KLHL12: variants seen among roughly 807,000 people sequenced by gnomAD.
The protein encoded by KLHL12 is kelch like family member 12.
In KLHL12, 17 loss-of-function variants were observed where a neutral mutation model predicts 60.8. The observed-to-expected ratio is 0.28, with a 90% CI of 0.19 to 0.42. The LOEUF (loss-of-function observed/expected upper bound fraction) is 0.42. Ranked by LOEUF, KLHL12 falls within the 10% of genes least tolerant of loss-of-function variation. The pLI, the probability that KLHL12 is intolerant of heterozygous loss-of-function variation, is 1.00. For synonymous variants in KLHL12, 220 were observed against 250.9 expected (o/e 0.88, Z 1.16); for missense variants, 468 against 722.3 (o/e 0.65, Z 4.04).
chr1:202,895,675 G>A lies in KLHL12; in HGVS notation c.982C>T (p.His328Tyr). Residue 328 changes from histidine to tyrosine, a missense_variant, in exon 8 of 12, where the codon CAT becomes TAT. Transcript: ENST00000367261. The surrounding 1 kb of genome is among the most constrained non-coding windows in gnomAD (Gnocchi z 4.2). ...KRRYVASVSL[H>Y]DRIYVIGGYD... The stretch of plus-strand genomic sequence containing the variant: ...CCACCAATGACGTAGATCCGGTCAT[G>A]AAGGGACACTGAGGCCACATAACGT... 1 of 1,614,194 alleles carries A rather than the reference G, an allele frequency of 6.2e-7. No individual in the cohort carries two copies. Among genetic ancestry groups the A allele is most frequent in the Non-Finnish European group, 8.5e-7 (1 of 1,180,022 alleles).
chr1:202,927,942 T>C (rs1408658924), upstream of KLHL12, among the ~76,000 whole-genome samples: 1 of 134,586 alleles, frequency 7.4e-6, no homozygotes, highest in African/African-American at 2.9e-5. Flanking sequence ...ATCGCGCCAT[T>C]GCACTCCGGG....
At chr1:202,896,770 T>G in intron 7 of KLHL12, 84 bp downstream of exon 7, 1 of 1,039,664 alleles carries the variant, frequency 9.6e-7, no homozygotes, top group East Asian at 2.4e-5. Flanking sequence ...TTTTCTACTC[T>G]TAAGGCTGGA....
At position 202,893,210 on chromosome 1, in the gene KLHL12, T is replaced by G. The variant is rs746373912; in HGVS notation, c.1580+29A>C. 3 of 1,548,098 alleles carry G rather than the reference T, an allele frequency of 1.9e-6. No homozygotes were observed. The highest frequency in any genetic ancestry group is 2.6e-6 in the Non-Finnish European group (3 of 1,142,060). On this transcript the variant is annotated intron_variant, in intron 11 of 11. Transcript: ENST00000367261. The surrounding 1 kb of genome is among the most constrained non-coding windows in gnomAD (Gnocchi z 4.1). ...ATAGACTCTTGCTCTGGCTACATAT[T>G]GAGTCTGGATTCGTTTCTAAATCCT...
In KLHL12 at chr1:202,918,155, C is replaced by T. The variant is rs1557998495; in HGVS notation, c.567+16G>A. On this transcript the variant is annotated intron_variant, in intron 4 of 11. Transcript: ENST00000367261. The stretch of plus-strand genomic sequence containing the variant: ...CCCAATCTTGAAGAAACCATAACAT[C>T]AAGACAAATCCGTACCTGAATTTCG... The T allele has an allele frequency of 2.5e-6, 4 of 1,591,710 alleles. No homozygotes were observed. The highest frequency in any genetic ancestry group is 3.4e-6 in the Non-Finnish European group (4 of 1,160,198).
At chr1:202,915,404 G>A (rs1163277876) in intron 4 of KLHL12, among the ~76,000 whole-genome samples, 1 of 151,890 alleles carries the variant, frequency 6.6e-6, no homozygotes, top group African/African-American at 2.4e-5. Flanking sequence ...GCTGGTATAG[G>A]GAACAGAAAA....
chr1:202,918,433 G>C (rs777612953), intron 3 of KLHL12, 45 bp from the exon 4 acceptor site: 2 of 1,419,714 alleles, frequency 1.4e-6, no homozygotes, highest in Middle Eastern at 1.8e-4. Context: ...AGTTGGACAG[G>C]TGTGATCTAG....
chr1:202,917,955 T>C (rs1660572458), intron 4 of KLHL12, among the ~76,000 whole-genome samples: 1 of 152,232 alleles, frequency 6.6e-6, no homozygotes, highest in African/African-American at 2.4e-5. Context: ...TGAATAGTGA[T>C]TCTTACCCAC....
Position 202,895,627 on chromosome 1 carries a change from T to A in KLHL12, c.1030A>T (p.Ser344Cys), listed in dbSNP as rs1479251915. ...GTGTAGTCTAGACATTCCACTGAAC[T>A]AAGGCGGGAACGGCCATCATAGCCA... ...IGGYDGRSRL[S>C]SVECLDYTAD... Residue 344 changes from serine (S) to cysteine (C), a missense_variant, in exon 8 of 12, where the codon AGT becomes TGT. Around this residue, in one of 4 missense-constraint regions of KLHL12, gnomAD observed 339 missense variants for 525.0 expected, o/e 0.65. Transcript: ENST00000367261. This position sits in a 1 kb window ranked among gnomAD's most constrained non-coding sequence, Gnocchi z 4.2. 1.2e-6 allele frequency: 2 copies of A among 1,613,924 alleles called. No homozygotes were observed. Among genetic ancestry groups the A allele is most frequent in the African/African-American group, 2.7e-5 (2 of 74,876 alleles).
At chr1:202,927,363 T>G, upstream of KLHL12, 1 of 749,658 alleles carries the variant, frequency 1.3e-6, no homozygotes, top group Non-Finnish European at 1.6e-6. Flanking sequence ...GGGGCTTCTG[T>G]ACGCTGCTAG....
At chr1:202,922,185 T>G (rs989361866) in intron 2 of KLHL12, among the ~76,000 whole-genome samples, 4 of 152,202 alleles carry the variant, frequency 2.6e-5, no homozygotes, top group African/African-American at 7.2e-5. Flanking sequence ...TGCTTTAGAA[T>G]TTTTCAGCAT....
In KLHL12 at chr1:202,893,343, T is replaced by G; in HGVS notation, c.1476A>C (p.Ala492=). ...TCCAGGAATCAGTGCGAATGTTGTA[T>G]GCTTCAACGGAAGAAAGGTGGGCTG... The part of the protein sequence containing the change: ...DGTAHLSSVE[A]YNIRTDSWTT... The change falls in exon 11 of 12, where the codon GCA becomes GCC. Residue 492 remains alanine, a synonymous_variant. Coordinates refer to ENST00000367261, the MANE Select transcript of KLHL12 (RefSeq NM_021633.4). This position sits in a 1 kb window ranked among gnomAD's most constrained non-coding sequence, Gnocchi z 4.1. 1.2e-6 allele frequency: 2 copies of G among 1,614,036 alleles called. No homozygotes were observed. Among genetic ancestry groups the G allele is most frequent in the Non-Finnish European group, 1.7e-6 (2 of 1,179,934 alleles).
chr1:202,914,542 T>C (rs947437869), intron 4 of KLHL12, among the ~76,000 whole-genome samples: 2 of 152,176 alleles, frequency 1.3e-5, no homozygotes, highest in African/African-American at 4.8e-5. Flanking sequence ...TTTTCAATCA[T>C]GAGCAGAGGT....
chr1:202,895,557 A>T lies in KLHL12; in HGVS notation c.1100T>A (p.Val367Asp). The change falls in exon 8 of 12, where the codon GTC becomes GAC. Residue 367 changes from valine to aspartate, a missense_variant. By Grantham distance (152) the Val-to-Asp change is radical (BLOSUM62 -3). Around this residue, in one of 4 missense-constraint regions of KLHL12, gnomAD observed 339 missense variants for 525.0 expected, o/e 0.65. Coordinates refer to ENST00000367261, the MANE Select transcript of KLHL12 (RefSeq NM_021633.4). This position sits in a 1 kb window ranked among gnomAD's most constrained non-coding sequence, Gnocchi z 4.2. Reference protein sequence around the residue: ...GVWYSVAPMNVRRGLAGATTL... With the variant: ...GVWYSVAPMNDRRGLAGATTL... ...GGTGGCTCCAGCAAGACCTCGTCGG[A>T]CATTCATAGGGGCCACAGAATACCA... 1.9e-6 allele frequency: 3 copies of T among 1,614,050 alleles called. No homozygotes were observed. Among genetic ancestry groups the T allele is most frequent in the Non-Finnish European group, 2.5e-6 (3 of 1,179,984 alleles).
rs1049743332 is a variant in KLHL12, at chr1:202,927,175, G to C, written c.-132C>G. The C allele has an allele frequency of 1.0e-6, 1 of 985,206 alleles. No homozygotes were observed. Among genetic ancestry groups the C allele is most frequent in the Non-Finnish European group, 1.2e-6 (1 of 829,924 alleles). 61.0% of individuals were successfully genotyped at this position (985,206 alleles called of 1,614,324 possible). ...GGCGCGGGGCTAGCAGGCGGCTCGG[G>C]AGGAGCCGAAGCGCCGCCCAGACCC... is the stretch of plus-strand genomic sequence containing the variant. On this transcript the variant is annotated 5_prime_UTR_variant, in exon 1 of 12. Transcript: ENST00000367261.
intron 4 of KLHL12, among the ~76,000 whole-genome samples, chr1:202,915,364 T>C (rs1660492099): frequency 6.6e-6 from 1 of 152,298 alleles, no homozygotes. Flanking sequence ...CAATAGCAAC[T>C]GGGAGTCAGA....
At position 202,924,982 on chromosome 1, in the gene KLHL12, T is replaced by C. The variant is rs767029819; in HGVS notation, c.181A>G (p.Met61Val). 5.0e-6 allele frequency: 8 copies of C among 1,613,998 alleles called. No homozygotes were observed. Among genetic ancestry groups the C allele is most frequent in the South Asian group, 2.2e-5 (2 of 91,034 alleles). ...LAACSDYFCA[M>V]FTSELSEKGK... is the part of the protein sequence containing the mutation. The stretch of plus-strand genomic sequence containing the variant: ...TTACCACTTACCTCACTAGTGAACA[T>C]GGCACAGAAGTAATCACTACAGGCA... Residue 61 changes from methionine (M) to valine (V), a missense_variant, in exon 2 of 12, where the codon ATG (methionine) becomes GTG (valine). This residue lies in a region of KLHL12 where 339 missense variants were observed against 525.0 expected (regional missense o/e 0.65). Transcript: ENST00000367261.
chr1:202,896,998 C>T (rs1192040017), intron 6 of KLHL12, 38 bp from the exon 7 acceptor site: 1 of 1,498,316 alleles, frequency 6.7e-7, no homozygotes, highest in East Asian at 2.3e-5. Flanking sequence ...GTTAGTTCAG[C>T]ATCCCTGGAT....
intron 4 of KLHL12, chr1:202,912,629 C>A: frequency 1.5e-6 from 2 of 1,343,112 alleles, no homozygotes; most frequent in Non-Finnish European, 2.1e-6. Context: ...AAGCTCTGGG[C>A]CCCTATGGCG....
intron 4 of KLHL12, 83 bp downstream of exon 4, chr1:202,918,088 T>C: frequency 1.0e-6 from 1 of 973,996 alleles, no homozygotes; most frequent in South Asian, 1.5e-5. Flanking sequence ...TATGAAGCCC[T>C]GATGGTAAGT....
Sources: allele counts gnomAD v4.1 joint callset (sites outside exome capture counted in the v4.1 genomes callset), GRCh38; gene constraint gnomAD v4.1.1; regional missense constraint gnomAD v4.1.1; non-coding constraint Gnocchi (gnomAD v3.1); transcripts MANE v1.5; gene names NCBI Gene and HGNC (gene_info 2026-07-23, HGNC 2026-07-21).